The following B4GALT6 variants were observed in gnomAD, a reference collection of about 807,000 sequenced individuals.
B4GALT6 encodes the protein UDP-Gal:beta-GlcNAc beta-1,4-galactosyltransferase 6.
B4GALT6 carries 14 observed loss-of-function variants against 46.3 expected under a neutral mutation model. The observed-to-expected ratio is 0.30, with a 90% CI of 0.20 to 0.47. The LOEUF is 0.47. Ranked by LOEUF, B4GALT6 falls within the 20% of genes least tolerant of loss-of-function variation. B4GALT6 has a pLI of 0.99. For missense variants in B4GALT6, 386 were observed against 480.1 expected, an observed-to-expected ratio of 0.80 and a Z score of 1.83; for synonymous variants, 168 against 162.0, an observed-to-expected ratio of 1.04 and a Z score of -0.28.
intron 6 of B4GALT6, 71 bp from the exon 7 acceptor site, chr18:31,627,192 C>T (rs1026123): frequency 0.45 from 636,876 of 1,414,286 alleles, 144,616 homozygotes; most frequent in African/African-American, 0.58. Flanking sequence ...AAGGTTTCAG[C>T]CTTTTATGTG....
chr18:31,644,769 T>C (rs1025919965), intron 4 of B4GALT6, among the ~76,000 whole-genome samples: 9 of 152,114 alleles, frequency 5.9e-5, no homozygotes, highest in African/African-American at 2.2e-4. Flanking sequence ...TTCTGACATA[T>C]CAAAAAGACT....
rs2073666302 is a variant in B4GALT6, at chr18:31,624,792, T to C, written c.*822A>G. 6.6e-6 allele frequency: 1 copy of C among 152,468 alleles called. No individual in the cohort carries two copies. The highest frequency in any genetic ancestry group is 1.5e-5 in the Non-Finnish European group (1 of 67,986). 9.4% of individuals were successfully genotyped at this position (152,468 alleles called of 1,614,324 possible). On this transcript the variant is annotated 3_prime_UTR_variant, in exon 9 of 9. Transcript: ENST00000306851. ...CACAAAATCCCTGACACACCAGAGG[T>C]ACATGGAAAGACATTTAACATAAAG...
At chr18:31,690,660 G>A (rs755655810), upstream of B4GALT6, among the ~76,000 whole-genome samples, 28 of 146,786 alleles carry the variant, frequency 1.9e-4, no homozygotes, top group Non-Finnish European at 2.3e-4. Flanking sequence ...TAGTAGAGAC[G>A]GGGTTTCACC....
intron 2 of B4GALT6, among the ~76,000 whole-genome samples, chr18:31,663,298 G>A (rs937803896): frequency 6.6e-6 from 1 of 152,218 alleles, no homozygotes; most frequent in Non-Finnish European, 1.5e-5. Context: ...CAGTCTGGCA[G>A]TGTCTGGGGG....
At chr18:31,704,330 T>C in the B4GALT6 span, among the ~76,000 whole-genome samples, 3 of 151,728 alleles carry the variant, frequency 2.0e-5, no homozygotes, top group South Asian at 6.3e-4. Context: ...TGCCTCAGCC[T>C]CCTAAGTAGC....
chr18:31,682,415 C>T (rs1404364048), intron 1 of B4GALT6, among the ~76,000 whole-genome samples: 4 of 152,152 alleles, frequency 2.6e-5, no homozygotes, highest in Non-Finnish European at 5.9e-5. Flanking sequence ...AACTTATTAT[C>T]ATTTATAAGA....
intron 2 of B4GALT6, among the ~76,000 whole-genome samples, chr18:31,659,673 C>T (rs1390448389): frequency 6.6e-6 from 1 of 152,134 alleles, no homozygotes; most frequent in Non-Finnish European, 1.5e-5. Context: ...ACTGCTAAGG[C>T]CTATCCTACC....
the B4GALT6 span, among the ~76,000 whole-genome samples, chr18:31,708,545 A>G: frequency 3.3e-5 from 5 of 152,194 alleles, no homozygotes; most frequent in Non-Finnish European, 7.3e-5. Flanking sequence ...AGCCTGGGAG[A>G]CAGAGTGAGA....
intron 1 of B4GALT6, among the ~76,000 whole-genome samples, chr18:31,678,970 AACT>A (rs1048426695): frequency 3.3e-5 from 5 of 152,222 alleles, no homozygotes; most frequent in African/African-American, 1.2e-4. Context: ...TTAGGAAATT[AACT>A]ACTGTGTACC....
At chr18:31,684,178 A>G in intron 1 of B4GALT6, 134 bp downstream of exon 1, 6 of 1,418,538 alleles carry the variant, frequency 4.2e-6, no homozygotes, top group Admixed American at 2.5e-5. Context: ...CACGTCTGAA[A>G]TAACATTTAA....
intron 2 of B4GALT6, 163 bp from the exon 3 acceptor site, chr18:31,658,252 G>A (rs1199276878): frequency 2.3e-5 from 13 of 555,188 alleles, no homozygotes; most frequent in Admixed American, 3.1e-5. Flanking sequence ...AAACTGCTGC[G>A]GGGAACAGAC....
Position 31,625,772 on chromosome 18 carries a change from A to G in B4GALT6, c.1002-11T>C. ...CTTAGTAATTTATACCTATAGTTTT[A>G]GAGGAAAAAACAAAAAAGCAACAAA... On this transcript the variant is annotated splice_polypyrimidine_tract_variant and intron_variant, in intron 8 of 8. Transcript: ENST00000306851. 1 of 1,565,690 alleles carries G rather than the reference A, an allele frequency of 6.4e-7. No individual in the cohort carries two copies. The highest frequency in any genetic ancestry group is 8.6e-7 in the Non-Finnish European group (1 of 1,163,610).
chr18:31,652,008 T>C (rs1169297552), intron 3 of B4GALT6, among the ~76,000 whole-genome samples: 1 of 151,940 alleles, frequency 6.6e-6, no homozygotes, highest in Admixed American at 6.6e-5. Context: ...CTGACCTCAT[T>C]ATCTGCCCGC....
At chr18:31,685,469 G>C (rs963602477), upstream of B4GALT6, among the ~76,000 whole-genome samples, 3 of 151,712 alleles carry the variant, frequency 2.0e-5, no homozygotes, top group Admixed American at 6.6e-5. Flanking sequence ...CTCGGAACTC[G>C]GCAGGCGGCG....
At chr18:31,653,296 CAG>C (rs1348580458) in intron 3 of B4GALT6, among the ~76,000 whole-genome samples, 1 of 152,104 alleles carries the variant, frequency 6.6e-6, no homozygotes, top group African/African-American at 2.4e-5. Context: ...CGGGAATACA[CAG>C]AGCCTCCCTT....
upstream of B4GALT6, among the ~76,000 whole-genome samples, chr18:31,689,756 C>G (rs1428539587): frequency 3.3e-5 from 5 of 152,034 alleles, no homozygotes; most frequent in East Asian, 9.6e-4. Context: ...AAAGAGGCCA[C>G]CTTCACCAGC....
At chr18:31,715,537 CTTTTTTTTTTTT>C in the B4GALT6 span, among the ~76,000 whole-genome samples, 5 of 49,626 alleles carry the variant, frequency 1.0e-4, no homozygotes, top group South Asian at 1.4e-3. Flanking sequence ...CTGGAACTGT[CTTTTTTTTTTTT>C]TTTTTTTTTT....
At chr18:31,653,108 A>G (rs776582545) in intron 3 of B4GALT6, among the ~76,000 whole-genome samples, 18 of 151,724 alleles carry the variant, frequency 1.2e-4, no homozygotes, top group Non-Finnish European at 2.5e-4. Context: ...AACTGTCTGC[A>G]TGTAAGCTCA....
intron 3 of B4GALT6, among the ~76,000 whole-genome samples, chr18:31,655,316 G>C (rs1487997907): frequency 6.6e-6 from 1 of 152,156 alleles, no homozygotes; most frequent in Non-Finnish European, 1.5e-5. Flanking sequence ...CCACTAATTG[G>C]GCACAAAATT....
Sources: allele counts gnomAD v4.1 joint callset (sites outside exome capture counted in the v4.1 genomes callset), GRCh38; gene constraint gnomAD v4.1.1; transcripts MANE v1.5; gene names NCBI Gene and HGNC (gene_info 2026-07-23, HGNC 2026-07-21).